ZBTB43: variants seen among roughly 807,000 people sequenced by gnomAD.
The protein encoded by ZBTB43 is zinc finger and BTB domain containing 43.
ZBTB43 carries 6 observed loss-of-function variants against 31.1 expected under a neutral mutation model. That is an observed-to-expected ratio of 0.19 (90% CI 0.11 to 0.38). The LOEUF is 0.38. ZBTB43 is among the 10% of genes least tolerant of loss of function. The pLI is 1.00. For synonymous variants in ZBTB43, 212 were observed against 221.7 expected (o/e 0.96, Z 0.39); for missense variants, 379 against 602.1 (o/e 0.63, Z 3.88).
rs770501160 is a variant in ZBTB43 at position 126,833,368 on chromosome 9, G to A, written c.859G>A (p.Val287Met). 6.2e-7 allele frequency: 1 copy of A among 1,613,506 alleles called. No homozygotes were observed. The highest frequency in any genetic ancestry group is 1.1e-5 in the South Asian group (1 of 90,972). The part of the protein sequence containing the change: ...QTEHTVQPSG[V>M]EEDFHIGEKK... ...AGAGCACACGGTGCAGCCTTCGGGA[G>A]TGGAGGAGGACTTCCACATCGGGGA... is the stretch of plus-strand genomic sequence containing the variant. Residue 287 changes from valine to methionine, a missense_variant, in exon 3 of 3, where the codon GTG becomes ATG. Val to Met is a conservative substitution (Grantham distance 21). Coordinates refer to ENST00000373464, the MANE Select transcript of ZBTB43 (RefSeq NM_014007.4). This position sits in a 1 kb window ranked among gnomAD's most constrained non-coding sequence, Gnocchi z 7.9.
intron 2 of ZBTB43, among the ~76,000 whole-genome samples, chr9:126,823,226 T>C (rs1016278407): frequency 6.6e-6 from 1 of 152,206 alleles, no homozygotes; most frequent in African/African-American, 2.4e-5. Context: ...CACCTATTAT[T>C]ATAGAACTGT....
intron 2 of ZBTB43, among the ~76,000 whole-genome samples, chr9:126,813,721 TTTTC>T (rs1444112228): frequency 1.3e-5 from 2 of 152,212 alleles, no homozygotes; most frequent in African/African-American, 4.8e-5. Context: ...GATTTATAAT[TTTTC>T]TTTCTATGTT....
rs10435900 is a variant in ZBTB43 at position 126,830,365 on chromosome 9, G to A, written c.-23-2122G>A. Among the ~76,000 whole-genome samples the A allele has an allele frequency of 0.022, 3,334 of 152,312 alleles. 431 individuals carry two copies. In the East Asian group the frequency reaches 0.38, roughly 17 times the overall value. ...TTATATCATACTTAGAAAACTTGGG[G>A]CTGGGCGCAGTGGCTCACGCCTGTC... is the stretch of plus-strand genomic sequence containing the variant. On this transcript the variant is annotated intron_variant, in intron 2 of 2. Transcript: ENST00000373464.
At chr9:126,827,592 T>C (rs1244431711) in intron 2 of ZBTB43, among the ~76,000 whole-genome samples, 1 of 152,258 alleles carries the variant, frequency 6.6e-6, no homozygotes. Flanking sequence ...TTTTTTCAGC[T>C]TCCTGATTGT....
At chr9:126,816,155 A>G (rs188934432) in intron 2 of ZBTB43, among the ~76,000 whole-genome samples, 2 of 152,238 alleles carry the variant, frequency 1.3e-5, no homozygotes, top group African/African-American at 2.4e-5. Context: ...CTTTCTCTCA[A>G]GGACATTAAC....
At chr9:126,819,516 C>T (rs1033453641) in intron 2 of ZBTB43, among the ~76,000 whole-genome samples, 16 of 151,958 alleles carry the variant, frequency 1.1e-4, no homozygotes, top group Admixed American at 5.2e-4. Context: ...AAACCACACC[C>T]ATAAGGGACA....
Position 126,833,711 on chromosome 9 carries a change from G to T in ZBTB43, c.1202G>T (p.Gly401Val), listed in dbSNP as rs780669266. The stretch of plus-strand genomic sequence containing the variant: ...ATGCACCTCGGTCTTCGGCCTTACG[G>T]CTGTGGGGTCTGCGGTAAGAAATTC... ...MSMHLGLRPY[G>V]CGVCGKKFKM... is the part of the protein sequence containing the mutation. The change falls in exon 3 of 3, where the codon GGC becomes GTC. Residue 401 changes from glycine (G) to valine (V), a missense_variant. By Grantham distance (109) the Gly-to-Val change is moderately radical. Transcript: ENST00000373464. The surrounding 1 kb of genome is among the most constrained non-coding windows in gnomAD (Gnocchi z 7.9). 2.5e-6 allele frequency: 4 copies of T among 1,609,576 alleles called. No individual in the cohort carries two copies. The highest frequency in any genetic ancestry group is 3.4e-6 in the Non-Finnish European group (4 of 1,176,064).
At chr9:126,826,745 T>TA (rs954440564) in intron 2 of ZBTB43, among the ~76,000 whole-genome samples, 20 of 152,244 alleles carry the variant, frequency 1.3e-4, no homozygotes, top group African/African-American at 4.8e-4. Context: ...ATTACAGGCG[T>TA]GAGCCACCAC....
intron 2 of ZBTB43, among the ~76,000 whole-genome samples, chr9:126,823,260 CACTTTT>C (rs1233907366): frequency 1.3e-5 from 2 of 152,094 alleles, no homozygotes; most frequent in East Asian, 1.9e-4. Flanking sequence ...CAATTTTATC[CACTTTT>C]ACTTCATATA....
Position 126,834,027 on chromosome 9 carries a change from A to G in ZBTB43, c.*114A>G. On this transcript the variant is annotated 3_prime_UTR_variant, in exon 3 of 3. Coordinates refer to ENST00000373464, the MANE Select transcript of ZBTB43 (RefSeq NM_014007.4). ...TATTATGAGAGAAGCTTAAAAAAAA[A>G]AAGGAAGATATTTCTGAAAGACCAG... 1 of 1,204,462 alleles carries G rather than the reference A, an allele frequency of 8.3e-7. No individual in the cohort carries two copies. The highest frequency in any genetic ancestry group is 1.1e-6 in the Non-Finnish European group (1 of 884,940). The allele number at this position is 1,204,462 out of a possible 1,614,324, so 74.6% of individuals were successfully genotyped here.
At chr9:126,814,725 G>A (rs889638043) in intron 2 of ZBTB43, among the ~76,000 whole-genome samples, 172 of 152,090 alleles carry the variant, frequency 1.1e-3, no homozygotes, top group African/African-American at 3.4e-3. Context: ...CCCAGGAGGC[G>A]GAGCTTGTAG....
Position 126,834,496 on chromosome 9 carries a change from C to G in ZBTB43, c.*583C>G, listed in dbSNP as rs935748628. 1.2e-5 allele frequency: 2 copies of G among 167,036 alleles called. No individual in the cohort carries two copies. Among genetic ancestry groups the G allele is most frequent in the African/African-American group, 4.8e-5 (2 of 41,424 alleles). The allele number at this position is 167,036 out of a possible 1,614,324, so 10.3% of individuals were successfully genotyped here. A position where few individuals can be genotyped will look rare whatever the true frequency, so the allele number is the denominator to read the frequency against. On this transcript the variant is annotated 3_prime_UTR_variant, in exon 3 of 3. Coordinates refer to ENST00000373464, the MANE Select transcript of ZBTB43 (RefSeq NM_014007.4). Reference sequence around the variant, plus strand: ...ATGGAGATGCTAAGAGAGTGACTTTCTAAATATGAAACAGATAATTTACGG... The same window carrying G: ...ATGGAGATGCTAAGAGAGTGACTTTGTAAATATGAAACAGATAATTTACGG...
chr9:126,826,948 A>C (rs2032654577), intron 2 of ZBTB43, among the ~76,000 whole-genome samples: 1 of 152,144 alleles, frequency 6.6e-6, no homozygotes, highest in Non-Finnish European at 1.5e-5. Flanking sequence ...CTGTGAATGT[A>C]CTGTATATTC....
chr9:126,812,034 A>G (rs2032262165), intron 2 of ZBTB43, among the ~76,000 whole-genome samples: 1 of 151,966 alleles, frequency 6.6e-6, no homozygotes, highest in South Asian at 2.1e-4. Context: ...ATCTAATTTT[A>G]GAACTTTTGT....
intron 2 of ZBTB43, among the ~76,000 whole-genome samples, chr9:126,813,017 G>A (rs1236595746): frequency 7.1e-6 from 1 of 141,588 alleles, no homozygotes; most frequent in Non-Finnish European, 1.5e-5. Context: ...TTTTGCTCTT[G>A]TTGCCCAGGC....
rs2032875186 is a variant in ZBTB43, at chr9:126,836,214, A to G, written c.*2301A>G. The G allele has an allele frequency of 6.0e-6, 1 of 167,078 alleles. No homozygotes were observed. The highest frequency in any genetic ancestry group is 2.4e-5 in the African/African-American group (1 of 41,436). The allele number at this position is 167,078 out of a possible 1,614,324, so 10.3% of individuals were successfully genotyped here. ...AAATCAGCATAGTGCCCTTGTCATG[A>G]GGAAGAGTTTCTGTTCAGCCAAGAG... On this transcript the variant is annotated 3_prime_UTR_variant, in exon 3 of 3. Coordinates refer to ENST00000373464, the MANE Select transcript of ZBTB43 (RefSeq NM_014007.4).
chr9:126,828,634 A>AT (rs1169666440), intron 2 of ZBTB43, among the ~76,000 whole-genome samples: 5 of 130,630 alleles, frequency 3.8e-5, no homozygotes, highest in African/African-American at 1.5e-4. Flanking sequence ...TCTCTAAATA[A>AT]TAATAATAAT....
At chr9:126,820,775 C>T (rs1478818115) in intron 2 of ZBTB43, among the ~76,000 whole-genome samples, 1 of 151,824 alleles carries the variant, frequency 6.6e-6, no homozygotes, top group Non-Finnish European at 1.5e-5. Context: ...CAAGACCAAC[C>T]TGAGCAGCAT....
chr9:126,808,103 A>T (rs1373374451), intron 1 of ZBTB43, among the ~76,000 whole-genome samples: 1 of 152,170 alleles, frequency 6.6e-6, no homozygotes, highest in African/African-American at 2.4e-5. Context: ...TCAGCTTCTT[A>T]TCCTGAATTC....
Sources: gnomAD v4.1 joint callset for allele counts (sites outside exome capture counted in the v4.1 genomes callset) on GRCh38, gnomAD v4.1.1 for gene constraint, Gnocchi (gnomAD v3.1) non-coding constraint, MANE v1.5 for transcripts, NCBI Gene and HGNC (gene_info 2026-07-23, HGNC 2026-07-21) for gene names.